PATL1: variants seen among roughly 807,000 people sequenced by gnomAD.
PATL1 encodes the protein protein PAT1 homolog 1.
In PATL1, 32 loss-of-function variants were observed where a neutral mutation model predicts 100.6. The ratio of observed to expected loss-of-function variants is 0.32; its 90% confidence interval spans 0.24 to 0.43. The LOEUF (loss-of-function observed/expected upper bound fraction) is 0.43, where lower values mean the gene tolerates loss of function less well. Ranked by LOEUF, PATL1 falls within the 20% of genes least tolerant of loss-of-function variation. PATL1 has a pLI of 1.00. For missense variants in PATL1, 747 were observed against 949.9 expected (o/e 0.79, Z 2.81); for synonymous variants, 332 against 330.0 (o/e 1.01, Z -0.07).
chr11:59,641,106 G>A (rs1861271747), intron 16 of PATL1, among the ~76,000 whole-genome samples: 1 of 152,062 alleles, frequency 6.6e-6, no homozygotes, highest in Non-Finnish European at 1.5e-5. Context: ...GGGAGGCAGG[G>A]GTTGCAGTGA....
intron 6 of PATL1, 30 bp downstream of exon 6, chr11:59,656,469 C>A (rs535776907): frequency 6.4e-7 from 1 of 1,555,476 alleles, no homozygotes; most frequent in South Asian, 1.1e-5. Flanking sequence ...ATACATACTG[C>A]ACATTTTTGT....
chr11:59,649,299 T>C (rs1394884717), intron 14 of PATL1, among the ~76,000 whole-genome samples, 163 bp downstream of exon 14: 1 of 152,038 alleles, frequency 6.6e-6, no homozygotes. Context: ...GAAAAGATAA[T>C]TCGTATTTTA....
At chr11:59,654,828 A>T (rs546460593) in intron 8 of PATL1, among the ~76,000 whole-genome samples, 1 of 152,304 alleles carries the variant, frequency 6.6e-6, no homozygotes, top group South Asian at 2.1e-4. Flanking sequence ...TAACATTTAT[A>T]ATCAGTTGAC....
At chr11:59,648,177 CTTTTTTTCTTTTTTT>C (rs929119690) in intron 14 of PATL1, among the ~76,000 whole-genome samples, 3 of 147,398 alleles carry the variant, frequency 2.0e-5, no homozygotes, top group African/African-American at 7.6e-5. Context: ...ATTTCCTTAA[CTTTTTTTCTTTTTTT>C]TTTTTTTTTT....
chr11:59,638,536 C>T, intron 18 of PATL1, 125 bp from the exon 19 acceptor site: 1 of 921,094 alleles, frequency 1.1e-6, no homozygotes, highest in South Asian at 1.5e-5. Flanking sequence ...ATTTCTCTAC[C>T]CTTAGCATTT....
At chr11:59,656,699 T>A in intron 5 of PATL1, 99 bp from the exon 6 acceptor site, 2 of 1,026,366 alleles carry the variant, frequency 1.9e-6, no homozygotes, top group Admixed American at 4.3e-5. Flanking sequence ...ACGAACTCAA[T>A]GCAAAGCCCT....
intron 8 of PATL1, among the ~76,000 whole-genome samples, chr11:59,654,503 AAAAAAG>A (rs1353941773): frequency 2.6e-5 from 4 of 151,660 alleles, no homozygotes; most frequent in Non-Finnish European, 4.4e-5. Flanking sequence ...AAAAAAAAAA[AAAAAAG>A]AGTCTATTCT....
At chr11:59,650,642 G>T in intron 13 of PATL1, 112 bp downstream of exon 13, 1 of 724,300 alleles carries the variant, frequency 1.4e-6, no homozygotes, top group Non-Finnish European at 2.2e-6. Flanking sequence ...ATATATTCAT[G>T]AATTAAAACC....
At position 59,658,868 on chromosome 11, in the gene PATL1, G is replaced by T; in HGVS notation, c.424C>A (p.Gln142Lys). Residue 142 changes from glutamine to lysine, a missense_variant and splice_region_variant, in exon 4 of 19, where the codon CAG becomes AAG. This residue lies in a region of PATL1 where 183 missense variants were observed against 221.2 expected (regional missense o/e 0.83). Coordinates refer to ENST00000300146, the MANE Select transcript of PATL1 (RefSeq NM_152716.3). ...TGTAAAGAGAAAATATTTAATACCT[G>T]AGCAAGCAGTGGTCCTCGGATTCGC... The part of the protein sequence containing the change: ...LRRIRGPLLA[Q>K]EMPTVSVLEY... The T allele has an allele frequency of 1.9e-6, 3 of 1,546,202 alleles. No homozygotes were observed. The highest frequency in any genetic ancestry group is 2.6e-6 in the Non-Finnish European group (3 of 1,145,514).
At chr11:59,644,287 C>CA (rs1369498708) in intron 15 of PATL1, among the ~76,000 whole-genome samples, 2 of 152,094 alleles carry the variant, frequency 1.3e-5, no homozygotes, top group African/African-American at 4.8e-5. Flanking sequence ...CAAAATCTCT[C>CA]ACAATATCAT....
At chr11:59,640,265 C>T (rs865929703) in intron 16 of PATL1, among the ~76,000 whole-genome samples, 4 of 150,178 alleles carry the variant, frequency 2.7e-5, no homozygotes, top group South Asian at 2.1e-4. Flanking sequence ...TGTTGGAACC[C>T]GGGAGCTGGA....
At position 59,668,903 on chromosome 11, in the gene PATL1, GAGGGGGGC is replaced by G; in HGVS notation, c.-16_-9del. 1.1e-6 allele frequency: 1 copy of G among 907,306 alleles called. No individual in the cohort carries two copies. Among genetic ancestry groups the G allele is most frequent in the Non-Finnish European group, 1.6e-6 (1 of 644,528 alleles). The allele number at this position is 907,306 out of a possible 1,614,324, so 56.2% of individuals were successfully genotyped here. A position where few individuals can be genotyped will look rare whatever the true frequency, so the allele number is the denominator to read the frequency against. On this transcript the variant is annotated 5_prime_UTR_variant, in exon 1 of 19. Coordinates refer to ENST00000300146, the MANE Select transcript of PATL1 (RefSeq NM_152716.3). ...CACCTCGTAGCGGAACATTCTTGGG[GAGGGGGGC>G]AGGGAGCGGGGAGGGGAGAGGGGGA... is the stretch of plus-strand genomic sequence containing the variant.
chr11:59,657,550 C>T lies in PATL1; in HGVS notation c.601G>A (p.Val201Ile), dbSNP rs61901655. The T allele has an allele frequency of 1.1e-4, 184 of 1,607,266 alleles. No homozygotes were observed. Among genetic ancestry groups the T allele is most frequent in the Non-Finnish European group, 1.5e-4 (173 of 1,176,796 alleles). ...GGTACCTGTTGGGTGAAGCTGGGTA[C>T]AGCCATCTGTTTAGGTGGGGTGCCT... is the stretch of plus-strand genomic sequence containing the variant. ...PIGTPPKQMA[V>I]PSFTQQILCP... Residue 201 changes from valine (V) to isoleucine (I), a missense_variant, in exon 5 of 19, where the codon GTA becomes ATA. By Grantham distance (29) the Val-to-Ile change is conservative. Coordinates refer to ENST00000300146, the MANE Select transcript of PATL1 (RefSeq NM_152716.3).
intron 9 of PATL1, among the ~76,000 whole-genome samples, chr11:59,653,562 C>A (rs1861477688): frequency 6.6e-6 from 1 of 152,172 alleles, no homozygotes; most frequent in African/African-American, 2.4e-5. Flanking sequence ...GAATTTGCTT[C>A]AAATATTTTA....
Position 59,652,840 on chromosome 11 carries a change from G to A in PATL1, c.1300C>T (p.Gln434Ter). 6.2e-7 allele frequency: 1 copy of A among 1,612,920 alleles called. No homozygotes were observed. Among genetic ancestry groups the A allele is most frequent in the Non-Finnish European group, 8.5e-7 (1 of 1,179,564 alleles). ...TDPYLDDFYY[Q>*]NYFEKLEKLS... is the part of the protein sequence containing the mutation. ...CAAAACTAGCACAGAGTATTTACCTGGTAATAAAAATCATCCAGGTAGGGA... is the reference window on the plus strand; with the variant it reads ...CAAAACTAGCACAGAGTATTTACCTAGTAATAAAAATCATCCAGGTAGGGA... The change falls in exon 10 of 19, where the codon CAG (glutamine) becomes TAG (stop). Residue 434 changes from glutamine to a stop codon, truncating the protein, a stop_gained and splice_region_variant. Transcript: ENST00000300146. LOFTEE classifies it high-confidence loss of function.
intron 1 of PATL1, 47 bp from the exon 2 acceptor site, chr11:59,667,011 C>CA (rs1375661913): frequency 6.6e-7 from 1 of 1,518,814 alleles, no homozygotes; most frequent in Admixed American, 2.2e-5. Context: ...TTCACACCCT[C>CA]ATTTTAAAAA....
At chr11:59,654,543 G>A (rs1044420548) in intron 8 of PATL1, among the ~76,000 whole-genome samples, 27 of 143,306 alleles carry the variant, frequency 1.9e-4, no homozygotes, top group African/African-American at 6.0e-4. Context: ...AGAAGCAAAA[G>A]ATAGTCATAT....
intron 2 of PATL1, among the ~76,000 whole-genome samples, chr11:59,664,270 T>A (rs149324914): frequency 1.3e-5 from 2 of 152,028 alleles, no homozygotes. Flanking sequence ...CACTCTAACA[T>A]CCTTTTAAGG....
At chr11:59,640,494 T>A (rs1184509979) in intron 16 of PATL1, among the ~76,000 whole-genome samples, 1 of 138,878 alleles carries the variant, frequency 7.2e-6, no homozygotes, top group East Asian at 2.2e-4. Flanking sequence ...CCAAGGCGGG[T>A]GGATCAAGAG....
Sources: allele counts gnomAD v4.1 joint callset (sites outside exome capture counted in the v4.1 genomes callset), GRCh38; gene constraint gnomAD v4.1.1; regional missense constraint gnomAD v4.1.1; transcripts MANE v1.5; gene names NCBI Gene and HGNC (gene_info 2026-07-23, HGNC 2026-07-21).